CDH9: variants seen among roughly 807,000 people sequenced by gnomAD.
CDH9 encodes the protein cadherin 9, also known as cadherin-9.
Under a neutral mutation model 70.9 loss-of-function variants are expected in CDH9, and 28 were observed. The observed-to-expected ratio is 0.40, with a 90% CI of 0.29 to 0.54. CDH9 has a LOEUF of 0.54. Among genes scored for constraint, CDH9 ranks in the 20% least tolerant of loss-of-function variants. The probability of loss-of-function intolerance (pLI) is 0.59; values close to 1 mark genes in which losing one functional copy is unlikely to be tolerated. For synonymous variants in CDH9, 409 were observed against 343.1 expected (o/e 1.19, Z -2.12); for missense variants, 874 against 984.4 (o/e 0.89, Z 1.50).
At chr5:26,933,700 G>A (rs562972361) in intron 2 of CDH9, among the ~76,000 whole-genome samples, 20 of 151,822 alleles carry the variant, frequency 1.3e-4, no homozygotes, top group South Asian at 8.3e-4. Context: ...CTTGAACCCA[G>A]ACCAGGGAAG....
chr5:26,905,143 T>C (rs1238738132), intron 5 of CDH9, among the ~76,000 whole-genome samples: 1 of 152,140 alleles, frequency 6.6e-6, no homozygotes, highest in African/African-American at 2.4e-5. Flanking sequence ...GATATGAATT[T>C]AAGTTTCAGC....
At chr5:26,924,615 G>A (rs1366911548) in intron 2 of CDH9, among the ~76,000 whole-genome samples, 1 of 151,492 alleles carries the variant, frequency 6.6e-6, no homozygotes, top group Non-Finnish European at 1.5e-5. Flanking sequence ...TTGTTACATA[G>A]GTATATATGT....
At position 27,014,796 on chromosome 5, in the gene CDH9, T is replaced by C. The variant is rs1031968756; in HGVS notation, c.-50+23667A>G. On this transcript the variant is annotated intron_variant, in intron 1 of 11. Transcript: ENST00000231021. ...AGAACCTTCTCTTGTTTCACTGTTT[T>C]ATTTTTATCCTGATCTGCCCACTCT... 6.6e-5 allele frequency among the ~76,000 whole-genome samples: 10 copies of C among 152,042 alleles called. No individual in the cohort carries two copies. The Admixed American group carries it at 6.6e-4, about 10-fold the overall frequency.
At position 26,886,099 on chromosome 5, in the gene CDH9, A is replaced by G. The variant is rs1352173557; in HGVS notation, c.1513-16T>C. The G allele has an allele frequency of 6.3e-7, 1 of 1,576,080 alleles. No individual in the cohort carries two copies. Among genetic ancestry groups the G allele is most frequent in the African/African-American group, 1.4e-5 (1 of 72,752 alleles). On this transcript the variant is annotated splice_polypyrimidine_tract_variant and intron_variant, in intron 9 of 11. Coordinates refer to ENST00000231021, the MANE Select transcript of CDH9 (RefSeq NM_016279.4). ...TCTGAATCAACTGAAACCAAAATTAATTAATTAATTAATTAAGCCTAAGGC... is the reference window on the plus strand; with the variant it reads ...TCTGAATCAACTGAAACCAAAATTAGTTAATTAATTAATTAAGCCTAAGGC...
chr5:27,003,120 G>A (rs1389807641), intron 1 of CDH9, among the ~76,000 whole-genome samples: 1 of 151,994 alleles, frequency 6.6e-6, no homozygotes, highest in African/African-American at 2.4e-5. Flanking sequence ...TTTCAAAGCT[G>A]AAAAACCCAA....
intron 2 of CDH9, among the ~76,000 whole-genome samples, chr5:26,938,559 ACT>A (rs1199030459): frequency 6.6e-6 from 1 of 152,056 alleles, no homozygotes; most frequent in Non-Finnish European, 1.5e-5. Flanking sequence ...TTTCTAATAA[ACT>A]CTCTGGCAAT....
chr5:26,904,213 A>AACATGTATTCAATTATTTTTTTTT (rs1740907297), intron 5 of CDH9, among the ~76,000 whole-genome samples: 1 of 151,860 alleles, frequency 6.6e-6, no homozygotes, highest in Non-Finnish European at 1.5e-5. Flanking sequence ...TATTTTTTTT[A>AACATGTATTCAATTATTTTTTTTT]AAATGCATTT....
At chr5:26,898,522 C>T (rs1019107663) in intron 7 of CDH9, among the ~76,000 whole-genome samples, 4 of 152,098 alleles carry the variant, frequency 2.6e-5, no homozygotes, top group African/African-American at 9.7e-5. Flanking sequence ...TGCCACATAT[C>T]TACAGCCATC....
intron 3 of CDH9, among the ~76,000 whole-genome samples, chr5:26,909,958 T>A (rs1162799279): frequency 6.6e-6 from 1 of 151,892 alleles, no homozygotes; most frequent in Non-Finnish European, 1.5e-5. Flanking sequence ...TTATTATAAT[T>A]TAAAGATAAG....
At chr5:27,000,042 G>T (rs902390111) in intron 1 of CDH9, among the ~76,000 whole-genome samples, 7 of 152,076 alleles carry the variant, frequency 4.6e-5, no homozygotes, top group African/African-American at 1.7e-4. Context: ...CATGGATTCT[G>T]TTAAAATTGA....
chr5:27,035,697 TGTGTGTGTGTGTGG>T (rs1216419947), intron 1 of CDH9, among the ~76,000 whole-genome samples: 64 of 151,100 alleles, frequency 4.2e-4, no homozygotes, highest in African/African-American at 1.5e-3. Context: ...TGTGTGTGTG[TGTGTGTGTGTGTGG>T]GTGTGTGTGG....
chr5:26,979,780 G>A (rs1242150809), intron 2 of CDH9, among the ~76,000 whole-genome samples: 1 of 151,578 alleles, frequency 6.6e-6, no homozygotes, highest in East Asian at 1.9e-4. Flanking sequence ...TCAAGTAAGT[G>A]GTATTATCAC....
chr5:26,989,931 G>A (rs770433837), intron 1 of CDH9, among the ~76,000 whole-genome samples: 19 of 152,064 alleles, frequency 1.2e-4, no homozygotes, highest in Non-Finnish European at 2.1e-4. Flanking sequence ...AGTAATAGTC[G>A]TGTACATTGC....
intron 1 of CDH9, among the ~76,000 whole-genome samples, chr5:26,993,326 A>T (rs1179301586): frequency 3.9e-5 from 6 of 152,176 alleles, no homozygotes; most frequent in Non-Finnish European, 5.9e-5. Flanking sequence ...GTGAAATAGA[A>T]TACATAGCTA....
At chr5:26,964,979 T>G (rs1742104132) in intron 2 of CDH9, among the ~76,000 whole-genome samples, 1 of 152,184 alleles carries the variant, frequency 6.6e-6, no homozygotes, top group Admixed American at 6.5e-5. Flanking sequence ...CCCTTAAAAA[T>G]AATTAAAACA....
intron 2 of CDH9, among the ~76,000 whole-genome samples, chr5:26,969,983 C>A (rs1393196007): frequency 6.7e-6 from 1 of 150,178 alleles, no homozygotes; most frequent in African/African-American, 2.4e-5. Context: ...CCCTGAGTCA[C>A]CTTATTCTCA....
intron 1 of CDH9, among the ~76,000 whole-genome samples, chr5:27,001,859 CT>C (rs1400367190): frequency 1.3e-5 from 2 of 151,812 alleles, no homozygotes; most frequent in Non-Finnish European, 2.9e-5. Context: ...CTCTCTCTCT[CT>C]CTCTCTCTCT....
At chr5:27,003,877 A>G (rs1742813642) in intron 1 of CDH9, among the ~76,000 whole-genome samples, 1 of 152,040 alleles carries the variant, frequency 6.6e-6, no homozygotes, top group South Asian at 2.1e-4. Context: ...AAATATATCA[A>G]TATTTCTTCA....
At chr5:26,975,278 A>AT (rs1742286976) in intron 2 of CDH9, among the ~76,000 whole-genome samples, 1 of 152,126 alleles carries the variant, frequency 6.6e-6, no homozygotes, top group African/African-American at 2.4e-5. Context: ...GCAGATTCCA[A>AT]TTTGAAGGTT....
Sources: gnomAD v4.1 joint callset for allele counts (sites outside exome capture counted in the v4.1 genomes callset) on GRCh38, gnomAD v4.1.1 for gene constraint, MANE v1.5 for transcripts, NCBI Gene and HGNC (gene_info 2026-07-23, HGNC 2026-07-21) for gene names.